The following CRACR2A variants were observed in gnomAD, a reference collection of about 807,000 sequenced individuals.
CRACR2A encodes EF-hand calcium-binding domain-containing protein 4B.
A neutral mutation model predicts 90.5 loss-of-function variants in CRACR2A; 79 were observed. The observed-to-expected ratio is 0.87, with a 90% CI of 0.73 to 1.05. The LOEUF (loss-of-function observed/expected upper bound fraction) is 1.05, where lower values mean the gene tolerates loss of function less well. Ranked by LOEUF, CRACR2A falls within the 50% of genes least tolerant of loss-of-function variation. The probability of loss-of-function intolerance (pLI) is 0.00; values close to 1 mark genes in which losing one functional copy is unlikely to be tolerated. For missense variants in CRACR2A, 823 were observed against 897.2 expected (o/e 0.92, Z 1.06); for synonymous variants, 338 against 356.7 (o/e 0.95, Z 0.59).
At chr12:3,651,837 A>C (rs965074092) in intron 10 of CRACR2A, among the ~76,000 whole-genome samples, 2 of 152,174 alleles carry the variant, frequency 1.3e-5, no homozygotes, top group Admixed American at 6.5e-5. Flanking sequence ...TCTGAGCCTC[A>C]GAATCTTCAT....
chr12:3,738,176 T>C (rs1946474625), intron 1 of CRACR2A, among the ~76,000 whole-genome samples: 1 of 152,266 alleles, frequency 6.6e-6, no homozygotes, highest in Non-Finnish European at 1.5e-5. Context: ...GCTAGATTTC[T>C]ATTTTCATCA....
intron 17 of CRACR2A, among the ~76,000 whole-genome samples, chr12:3,623,451 C>G (rs1944189887): frequency 6.6e-6 from 1 of 152,130 alleles, no homozygotes; most frequent in African/African-American, 2.4e-5. Flanking sequence ...CAATCCGGCT[C>G]TGGGGGAAAT....
At position 3,662,433 on chromosome 12, in the gene CRACR2A, G is replaced by A. The variant is rs147459175; in HGVS notation, c.672-2779C>T. ...CTCTGACCTCCTCACATCCTGAGGC[G>A]GTACCTGCCCTATGTTCCTCCCTAC... is the stretch of plus-strand genomic sequence containing the variant. On this transcript the variant is annotated intron_variant, in intron 7 of 19. Coordinates refer to ENST00000440314, the MANE Select transcript of CRACR2A (RefSeq NM_001144958.2). 1.3e-4 allele frequency among the ~76,000 whole-genome samples: 20 copies of A among 152,262 alleles called. No homozygotes were observed. The East Asian group carries it at 3.3e-3, about 25-fold the overall frequency.
chr12:3,735,895 G>A (rs1372805889), intron 1 of CRACR2A, among the ~76,000 whole-genome samples: 2 of 152,162 alleles, frequency 1.3e-5, no homozygotes, highest in African/African-American at 4.8e-5. Flanking sequence ...TGATATTTGA[G>A]AACCCTGCTT....
intron 3 of CRACR2A, among the ~76,000 whole-genome samples, chr12:3,707,973 TG>T (rs1757200081): frequency 6.6e-6 from 1 of 152,232 alleles, no homozygotes; most frequent in African/African-American, 2.4e-5. Context: ...AGCAGATCAG[TG>T]TGATGTATCT....
rs369255261 is a variant in CRACR2A, at chr12:3,752,969, C to CCCCCGGCCG, written c.-387+37_-387+45dup. 72 of 152,558 alleles carry CCCCCGGCCG rather than the reference C, an allele frequency of 4.7e-4. 2 individuals carry two copies. The highest frequency in any genetic ancestry group is 1.6e-3 in the African/African-American group (67 of 41,472). The allele number at this position is 152,558 out of a possible 1,614,324, so 9.5% of individuals were successfully genotyped here. ...CGGAGGAGCAGGCAGGAAGCGCCGC[C>CCCCCGGCCG]CCCCGGCCGCCCCGGCCGCCCACCC... On this transcript the variant is annotated intron_variant, in intron 1 of 19. Transcript: ENST00000440314.
intron 2 of CRACR2A, among the ~76,000 whole-genome samples, chr12:3,721,824 C>T (rs1336486513): frequency 6.6e-6 from 1 of 151,998 alleles, no homozygotes; most frequent in African/African-American, 2.4e-5. Context: ...TTCCTATATT[C>T]TCTGTGTTTA....
chr12:3,709,024 G>C (rs1356356216), intron 3 of CRACR2A, among the ~76,000 whole-genome samples: 1 of 152,186 alleles, frequency 6.6e-6, no homozygotes, highest in African/African-American at 2.4e-5. Flanking sequence ...CTACGTGGAA[G>C]GCACTGAACC....
intron 4 of CRACR2A, among the ~76,000 whole-genome samples, chr12:3,686,322 C>A (rs555375983): frequency 2.6e-5 from 4 of 152,164 alleles, no homozygotes; most frequent in African/African-American, 4.8e-5. Flanking sequence ...AAAGTAGCCA[C>A]GGAAAACACA....
intron 1 of CRACR2A, among the ~76,000 whole-genome samples, 182 bp from the exon 2 acceptor site, chr12:3,733,392 G>C (rs1350397669): frequency 6.6e-6 from 1 of 152,196 alleles, no homozygotes. Context: ...CTCCTCCCCA[G>C]CTCAGAGGCC....
intron 2 of CRACR2A, among the ~76,000 whole-genome samples, chr12:3,714,468 T>C (rs1946054439): frequency 6.6e-6 from 1 of 152,180 alleles, no homozygotes; most frequent in African/African-American, 2.4e-5. Flanking sequence ...TCTCTGGTGT[T>C]TTCCCAGGCA....
At chr12:3,729,835 C>G (rs1395982141) in intron 2 of CRACR2A, 1 of 152,230 alleles carries the variant, frequency 6.6e-6, no homozygotes, top group Non-Finnish European at 1.5e-5. Flanking sequence ...AGCCACTTCA[C>G]TCTGCTACTG....
intron 1 of CRACR2A, among the ~76,000 whole-genome samples, chr12:3,734,375 C>T (rs568125225): frequency 8.8e-4 from 134 of 152,138 alleles, no homozygotes; most frequent in Middle Eastern, 6.8e-3. Context: ...GCTGGGCTCC[C>T]GGGACTCAAA....
chr12:3,680,873 T>C (rs541285747), intron 4 of CRACR2A, among the ~76,000 whole-genome samples: 2 of 152,318 alleles, frequency 1.3e-5, no homozygotes, highest in South Asian at 2.1e-4. Flanking sequence ...CAATCATGAA[T>C]GTAAAGCATA....
At chr12:3,656,455 G>T in intron 8 of CRACR2A, 49 bp from the exon 9 acceptor site, 2 of 1,578,994 alleles carry the variant, frequency 1.3e-6, no homozygotes. Flanking sequence ...TAGCACACCC[G>T]GGTTATAGAT....
chr12:3,676,345 G>C (rs1449560073), intron 6 of CRACR2A, among the ~76,000 whole-genome samples: 1 of 152,158 alleles, frequency 6.6e-6, no homozygotes, highest in African/African-American at 2.4e-5. Context: ...TGTGGCAAAG[G>C]GTTCAGAGAT....
intron 2 of CRACR2A, among the ~76,000 whole-genome samples, chr12:3,719,765 A>T (rs1041209076): frequency 1.3e-5 from 2 of 152,150 alleles, no homozygotes; most frequent in African/African-American, 2.4e-5. Flanking sequence ...TATCTCTCTT[A>T]TATCTGCTTT....
At chr12:3,651,280 T>C (rs1033511785) in intron 10 of CRACR2A, among the ~76,000 whole-genome samples, 2 of 152,264 alleles carry the variant, frequency 1.3e-5, no homozygotes, top group Admixed American at 6.5e-5. Context: ...TGTGTATGCA[T>C]GCGTGTGCAC....
chr12:3,625,434 G>C (rs1268675917), intron 17 of CRACR2A, among the ~76,000 whole-genome samples: 3 of 151,658 alleles, frequency 2.0e-5, no homozygotes, highest in African/African-American at 7.3e-5. Flanking sequence ...AATGACAGCA[G>C]AGAGCGTAGT....
Sources: allele counts gnomAD v4.1 joint callset (sites outside exome capture counted in the v4.1 genomes callset), GRCh38; gene constraint gnomAD v4.1.1; transcripts MANE v1.5; gene names NCBI Gene and HGNC (gene_info 2026-07-23, HGNC 2026-07-21).